UBAP1: variants seen among roughly 807,000 people sequenced by gnomAD.
The protein encoded by UBAP1 is ubiquitin-associated protein 1.
UBAP1 carries 5 observed loss-of-function variants against 39.0 expected under a neutral mutation model. The observed-to-expected ratio is 0.13, with a 90% CI of 0.07 to 0.27. The LOEUF (loss-of-function observed/expected upper bound fraction) is 0.27, where lower values mean the gene tolerates loss of function less well. Among genes scored for constraint, UBAP1 ranks in the 10% least tolerant of loss-of-function variants. The pLI, the probability that UBAP1 is intolerant of heterozygous loss-of-function variation, is 1.00. For synonymous variants in UBAP1, 211 were observed against 225.1 expected, an observed-to-expected ratio of 0.94 and a Z score of 0.56; for missense variants, 490 against 608.1, an observed-to-expected ratio of 0.81 and a Z score of 2.04.
At chr9:34,242,355 C>T (rs1474639539) in intron 4 of UBAP1, among the ~76,000 whole-genome samples, 1 of 152,134 alleles carries the variant, frequency 6.6e-6, no homozygotes, top group Non-Finnish European at 1.5e-5. Flanking sequence ...GACACGTTGC[C>T]CAGGCTGGTC....
At chr9:34,211,402 T>C (rs1537217) in intron 1 of UBAP1, among the ~76,000 whole-genome samples, 151,774 of 152,314 alleles carry the variant, frequency 1, 75,620 homozygotes, top group Middle Eastern at 1. Flanking sequence ...GCCATCTTTT[T>C]GTGTAAATTA....
At chr9:34,225,506 G>A (rs958530681) in intron 2 of UBAP1, among the ~76,000 whole-genome samples, 1 of 151,924 alleles carries the variant, frequency 6.6e-6, no homozygotes, top group Non-Finnish European at 1.5e-5. Context: ...GGCTGGGCGC[G>A]GTGGCTCATG....
chr9:34,180,369 G>A (rs1829948249), intron 1 of UBAP1, among the ~76,000 whole-genome samples: 2 of 152,102 alleles, frequency 1.3e-5, no homozygotes, highest in Admixed American at 1.3e-4. Flanking sequence ...CCAGCCGGGC[G>A]TGGTGGCAGG....
intron 1 of UBAP1, among the ~76,000 whole-genome samples, chr9:34,189,781 C>T (rs547712899): frequency 3.3e-5 from 5 of 151,982 alleles, no homozygotes; most frequent in African/African-American, 1.2e-4. Context: ...GGATTACGGG[C>T]GTGCTCCACC....
intron 2 of UBAP1, among the ~76,000 whole-genome samples, chr9:34,221,932 T>C (rs893373204): frequency 5.9e-5 from 9 of 152,080 alleles, no homozygotes; most frequent in Admixed American, 4.6e-4. Flanking sequence ...AGTAACACAA[T>C]TATTTTAAGA....
chr9:34,240,659 A>G (rs559988762), intron 3 of UBAP1, among the ~76,000 whole-genome samples: 2 of 152,360 alleles, frequency 1.3e-5, no homozygotes, highest in African/African-American at 4.8e-5. Flanking sequence ...CAACCTGTTC[A>G]TCATAATCTA....
At chr9:34,232,606 G>C (rs774888445) in intron 2 of UBAP1, among the ~76,000 whole-genome samples, 2 of 152,128 alleles carry the variant, frequency 1.3e-5, no homozygotes, top group Non-Finnish European at 2.9e-5. Context: ...CTTCCTAATG[G>C]AGAGTTTCAG....
At chr9:34,206,553 C>T (rs1305914534) in intron 1 of UBAP1, among the ~76,000 whole-genome samples, 1 of 146,876 alleles carries the variant, frequency 6.8e-6, no homozygotes, top group East Asian at 2.0e-4. Context: ...CAGTTAGTGA[C>T]AAAACTTATG....
At chr9:34,182,395 G>A (rs532097289) in intron 1 of UBAP1, among the ~76,000 whole-genome samples, 13 of 151,758 alleles carry the variant, frequency 8.6e-5, no homozygotes, top group Middle Eastern at 3.4e-3. Flanking sequence ...ACGTTGGCCA[G>A]GCTGGTCTTG....
intron 1 of UBAP1, among the ~76,000 whole-genome samples, chr9:34,200,998 C>T (rs545569468): frequency 1.3e-5 from 2 of 152,288 alleles, no homozygotes; most frequent in African/African-American, 4.8e-5. Context: ...CAATCTCCGC[C>T]TCCCGGGTTC....
At chr9:34,226,105 T>TG (rs1833038876) in intron 2 of UBAP1, among the ~76,000 whole-genome samples, 1 of 88,276 alleles carries the variant, frequency 1.1e-5, no homozygotes, top group African/African-American at 4.5e-5. Context: ...TCCTACTCTA[T>TG]TGTGTGTGTG....
chr9:34,204,641 C>T (rs538799513), intron 1 of UBAP1, among the ~76,000 whole-genome samples: 5 of 152,194 alleles, frequency 3.3e-5, no homozygotes, highest in South Asian at 2.1e-4. Context: ...AGATCATTTA[C>T]TCCAGTAGTA....
intron 1 of UBAP1, among the ~76,000 whole-genome samples, chr9:34,183,299 T>G (rs1262269473): frequency 6.6e-6 from 1 of 151,566 alleles, no homozygotes; most frequent in African/African-American, 2.4e-5. Flanking sequence ...ATCCCAGCAC[T>G]TTGGGGGGCC....
At chr9:34,247,331 T>C (rs1482304229) in intron 4 of UBAP1, among the ~76,000 whole-genome samples, 2 of 152,230 alleles carry the variant, frequency 1.3e-5, no homozygotes, top group African/African-American at 4.8e-5. Context: ...ATGATACTTT[T>C]AAATCATCCA....
chr9:34,217,753 TCA>T (rs1832411337), intron 1 of UBAP1, among the ~76,000 whole-genome samples: 1 of 145,268 alleles, frequency 6.9e-6, no homozygotes, highest in Non-Finnish European at 1.5e-5. Context: ...GCAGATTCAT[TCA>T]CATTGTCATA....
chr9:34,231,629 T>A (rs1833422450), intron 2 of UBAP1, among the ~76,000 whole-genome samples: 1 of 132,040 alleles, frequency 7.6e-6, no homozygotes. Context: ...ACACTCAAAA[T>A]TTTTTTGTTT....
chr9:34,204,015 T>G (rs1289992365), intron 1 of UBAP1, among the ~76,000 whole-genome samples: 4 of 152,216 alleles, frequency 2.6e-5, no homozygotes, highest in Non-Finnish European at 5.9e-5. Flanking sequence ...TATGATAACT[T>G]TTTTTTGTTT....
chr9:34,202,922 T>A (rs549203413), intron 1 of UBAP1, among the ~76,000 whole-genome samples: 1 of 152,250 alleles, frequency 6.6e-6, no homozygotes, highest in South Asian at 2.1e-4. Context: ...TCAATTTTTT[T>A]ATTGTGTTTT....
At chr9:34,226,070 A>G (rs1185937329) in intron 2 of UBAP1, among the ~76,000 whole-genome samples, 10 of 144,006 alleles carry the variant, frequency 6.9e-5, no homozygotes, top group South Asian at 4.5e-4. Flanking sequence ...TAAGGCATAA[A>G]CATTCATTAC....
Sources: allele counts gnomAD v4.1 joint callset (sites outside exome capture counted in the v4.1 genomes callset), GRCh38; gene constraint gnomAD v4.1.1; transcripts MANE v1.5; gene names NCBI Gene and HGNC (gene_info 2026-07-23, HGNC 2026-07-21).